Variants in KCTD10 observed in about 807,000 individuals in gnomAD.
KCTD10 encodes the protein BTB/POZ domain-containing adapter for CUL3-mediated RhoA degradation protein 3.
Under a neutral mutation model 34.6 loss-of-function variants are expected in KCTD10, and 13 were observed. The ratio of observed to expected loss-of-function variants is 0.38; its 90% CI spans 0.24 to 0.60. The LOEUF is 0.60. Ranked by LOEUF, KCTD10 falls within the 20% of genes least tolerant of loss-of-function variation. The pLI, the probability that KCTD10 is intolerant of heterozygous loss-of-function variation, is 0.66. For synonymous variants in KCTD10, 156 were observed against 168.8 expected, an observed-to-expected ratio of 0.92 and a Z score of 0.59; for missense variants, 256 against 420.3, an observed-to-expected ratio of 0.61 and a Z score of 3.42.
chr12:109,457,425 T>C (rs1873075028), intron 5 of KCTD10: 1 of 552,548 alleles, frequency 1.8e-6, no homozygotes, highest in Admixed American at 3.3e-5. Flanking sequence ...ATAATAACTG[T>C]ACACTCTAGA....
chr12:109,467,924 CGAG>C (rs1451948256), intron 2 of KCTD10, among the ~76,000 whole-genome samples: 5 of 152,186 alleles, frequency 3.3e-5, no homozygotes, highest in Admixed American at 6.5e-5. Flanking sequence ...CGAGGCCTTT[CGAG>C]GAGAAGAGCC....
In KCTD10 at chr12:109,460,619, G is replaced by A. The variant is rs1232701182; in HGVS notation, c.387+17C>T. On this transcript the variant is annotated intron_variant, in intron 3 of 6. Coordinates refer to ENST00000228495, the MANE Select transcript of KCTD10 (RefSeq NM_031954.5). The surrounding 1 kb of genome is among the most constrained non-coding windows in gnomAD (Gnocchi z 4.5). ...TGGTGCCTCTCCACCCATATGGGAA[G>A]AAAGGGTGATGCCTACTTGTAGGGC... 1 of 1,609,734 alleles carries A rather than the reference G, an allele frequency of 6.2e-7. No homozygotes were observed. Among genetic ancestry groups the A allele is most frequent in the South Asian group, 1.1e-5 (1 of 90,806 alleles).
intron 6 of KCTD10, among the ~76,000 whole-genome samples, chr12:109,453,346 T>C (rs765984159): frequency 7.9e-5 from 12 of 151,948 alleles, no homozygotes; most frequent in African/African-American, 1.7e-4. Context: ...CACACCACCA[T>C]GCCCAGCTAT....
chr12:109,477,118 C>T, intron 1 of KCTD10, 142 bp downstream of exon 1: 1 of 999,822 alleles, frequency 1.0e-6, no homozygotes, highest in East Asian at 3.0e-5. Context: ...GGCCTTTCCC[C>T]TAACCAATCC....
intron 1 of KCTD10, chr12:109,470,127 C>T: frequency 2.0e-6 from 2 of 1,024,022 alleles, no homozygotes; most frequent in Non-Finnish European, 2.3e-6. Context: ...TATACATGAA[C>T]ACCCTGGCTG....
At chr12:109,457,955 T>G (rs1566053455) in intron 4 of KCTD10, 37 bp downstream of exon 4, 3 of 1,506,886 alleles carry the variant, frequency 2.0e-6, no homozygotes, top group Non-Finnish European at 2.8e-6. Context: ...TCATTTCTGG[T>G]AGCAAAAGAA....
chr12:109,461,857 G>T (rs918149247), intron 2 of KCTD10, among the ~76,000 whole-genome samples: 1 of 152,232 alleles, frequency 6.6e-6, no homozygotes, highest in South Asian at 2.1e-4. Flanking sequence ...CGCATTACAG[G>T]TGGAAAATGC....
At chr12:109,454,881 C>T (rs573676047) in intron 6 of KCTD10, among the ~76,000 whole-genome samples, 1 of 152,284 alleles carries the variant, frequency 6.6e-6, no homozygotes. Context: ...CCCCTTGTTC[C>T]TTATTAAGCT....
At chr12:109,471,206 A>G (rs2058804) in intron 1 of KCTD10, 524,262 of 984,936 alleles carry the variant, frequency 0.53, 141,527 homozygotes, top group African/African-American at 0.74. Context: ...TAAAACACAA[A>G]CGTTATTTTT....
intron 2 of KCTD10, 87 bp downstream of exon 2, chr12:109,469,428 T>A: frequency 6.7e-7 from 1 of 1,501,764 alleles, no homozygotes; most frequent in East Asian, 2.3e-5. Context: ...CATCTTCAGG[T>A]CTCGACTTAA....
chr12:109,469,656 C>T lies in KCTD10; in HGVS notation c.76G>A (p.Gly26Ser). ...ACGTATTTGGAGCTGGGGCTCGTGC[C>T]CTTGAAGGAAGTGGTGCGGGTAGCA... ...AAATRTTSFKGTSPSSKYVKL... is the reference protein window; with the variant it reads ...AAATRTTSFKSTSPSSKYVKL... The change falls in exon 2 of 7, where the codon GGC (glycine) becomes AGC (serine). Residue 26 changes from glycine to serine, a missense_variant. Around this residue, in one of 3 missense-constraint regions of KCTD10, gnomAD observed 155 missense variants for 207.0 expected, o/e 0.75. Coordinates refer to ENST00000228495, the MANE Select transcript of KCTD10 (RefSeq NM_031954.5). 2 of 1,614,202 alleles carry T rather than the reference C, an allele frequency of 1.2e-6. No individual in the cohort carries two copies. The highest frequency in any genetic ancestry group is 1.1e-5 in the South Asian group (1 of 91,088).
intron 1 of KCTD10, among the ~76,000 whole-genome samples, chr12:109,472,809 C>A (rs1281873322): frequency 6.6e-6 from 1 of 152,194 alleles, no homozygotes. Flanking sequence ...TGTCACTAAC[C>A]AAACTGTCAT....
chr12:109,463,603 C>T (rs1566055988), intron 2 of KCTD10, among the ~76,000 whole-genome samples: 1 of 152,152 alleles, frequency 6.6e-6, no homozygotes, highest in Non-Finnish European at 1.5e-5. Context: ...ACCCATTAGG[C>T]AAGGCTGGAG....
In KCTD10 at chr12:109,451,350, G is replaced by A. The variant is rs747271863; in HGVS notation, c.*245C>T. On this transcript the variant is annotated 3_prime_UTR_variant, in exon 7 of 7. Transcript: ENST00000228495. The surrounding 1 kb of genome is among the most constrained non-coding windows in gnomAD (Gnocchi z 5.0). Reference sequence around the variant, plus strand: ...AACCGAGAAAGCCTGGCTCCAAAGAGTCTCAGATTCTCATGAAAAGTAGAG... The same window carrying A: ...AACCGAGAAAGCCTGGCTCCAAAGAATCTCAGATTCTCATGAAAAGTAGAG... 8.4e-5 allele frequency: 40 copies of A among 476,570 alleles called. No homozygotes were observed. The highest frequency in any genetic ancestry group is 1.4e-4 in the Non-Finnish European group (38 of 271,962). The allele number at this position is 476,570 out of a possible 1,614,324, so 29.5% of individuals were successfully genotyped here.
chr12:109,460,162 AG>A lies in KCTD10; in HGVS notation c.387+473del, dbSNP rs1164066287. Among the ~76,000 whole-genome samples, 3 of 152,220 alleles carry A rather than the reference AG, an allele frequency of 2.0e-5. No individual in the cohort carries two copies. The highest frequency in any genetic ancestry group is 4.4e-5 in the Non-Finnish European group (3 of 68,036). ...CACGTTGCAACTTTGTTTGAAATAA[AG>A]GGGTGTTGGCCATGTCTAGAAGCAT... On this transcript the variant is annotated intron_variant, in intron 3 of 6. Transcript: ENST00000228495. This position sits in a 1 kb window ranked among gnomAD's most constrained non-coding sequence, Gnocchi z 4.5.
intron 2 of KCTD10, among the ~76,000 whole-genome samples, chr12:109,462,419 C>T (rs1414867288): frequency 2.6e-5 from 4 of 152,216 alleles, no homozygotes; most frequent in Non-Finnish European, 5.9e-5. Flanking sequence ...ATGTATAGCC[C>T]TGAGTCAACT....
intron 1 of KCTD10, among the ~76,000 whole-genome samples, chr12:109,474,264 A>C (rs532324462): frequency 1.3e-5 from 2 of 152,266 alleles, no homozygotes; most frequent in South Asian, 4.1e-4. Context: ...ATTACCAATG[A>C]AGCTGGGGAG....
chr12:109,455,722 C>G (rs1361579342), intron 6 of KCTD10, among the ~76,000 whole-genome samples: 1 of 152,178 alleles, frequency 6.6e-6, no homozygotes, highest in Non-Finnish European at 1.5e-5. Context: ...CCCAAAAGGG[C>G]AGGCAAATTC....
chr12:109,471,183 C>A, intron 1 of KCTD10: 3 of 985,368 alleles, frequency 3.0e-6, no homozygotes, highest in Non-Finnish European at 3.6e-6. Flanking sequence ...ATGGGTACTA[C>A]AACTATAACT....
Sources: allele counts gnomAD v4.1 joint callset (sites outside exome capture counted in the v4.1 genomes callset), GRCh38; gene constraint gnomAD v4.1.1; regional missense constraint gnomAD v4.1.1; non-coding constraint Gnocchi (gnomAD v3.1); transcripts MANE v1.5; gene names NCBI Gene and HGNC (gene_info 2026-07-23, HGNC 2026-07-21).